DOLK: variants seen among roughly 807,000 people sequenced by gnomAD.
DOLK encodes the protein SEC59 homolog.
Under a neutral mutation model 31.7 loss-of-function variants are expected in DOLK, and 20 were observed. The ratio of observed to expected loss-of-function variants is 0.63; its 90% confidence interval spans 0.44 to 0.92. The LOEUF (loss-of-function observed/expected upper bound fraction) is 0.92. Ranked by LOEUF, DOLK falls within the 40% of genes least tolerant of loss-of-function variation. DOLK has a pLI of 0.00. For missense variants in DOLK, 594 were observed against 680.7 expected, an observed-to-expected ratio of 0.87 and a Z score of 1.42; for synonymous variants, 309 against 287.0, an observed-to-expected ratio of 1.08 and a Z score of -0.77.
rs201363976 is a variant in DOLK, at chr9:128,946,594, A to G, written c.710T>C (p.Met237Thr). The G allele has an allele frequency of 5.6e-6, 9 of 1,613,968 alleles. No individual in the cohort carries two copies. The highest frequency in any genetic ancestry group is 6.8e-6 in the Non-Finnish European group (8 of 1,180,026). ...LLVVVVGMVL[M>T]GIFFSTLFVF... ...AAACAGAGTGCTGAAGAAAATGCCC[A>G]TGAGTACCATCCCTACTACCACCAC... The change falls in exon 1 of 1, where the codon ATG (methionine) becomes ACG (threonine). Residue 237 changes from methionine to threonine, a missense_variant. Transcript: ENST00000372586.
chr9:128,946,951 C>T lies in DOLK; in HGVS notation c.353G>A (p.Gly118Asp), dbSNP rs1177624411. 1 of 1,602,462 alleles carries T rather than the reference C, an allele frequency of 6.2e-7. No homozygotes were observed. The highest frequency in any genetic ancestry group is 2.2e-5 in the East Asian group (1 of 44,812). ...TGATGAGAAGAGGGCCACTGCCATG[C>T]CAGTGGCTGCCACCACAATGCCAAA... ...ERFGIVVAAT[G>D]MAVALFSSVL... The change falls in exon 1 of 1, where the codon GGC becomes GAC. Residue 118 changes from glycine to aspartate, a missense_variant. Coordinates refer to ENST00000372586, the MANE Select transcript of DOLK (RefSeq NM_014908.4).
Position 128,945,714 on chromosome 9 carries a change from G to A in DOLK, c.1590C>T (p.Leu530=). Residue 530 remains leucine (L), a synonymous_variant, in exon 1 of 1, where the codon CTC becomes CTT. Coordinates refer to ENST00000372586, the MANE Select transcript of DOLK (RefSeq NM_014908.4). ...TTQIDNLLLP[L]YLLILLMA Reference sequence around the variant, plus strand: ...AGGCCATCAGCAATATCAGGAGGTAGAGAGGCAGAAGGAGATTGTCTATCT... The same window carrying A: ...AGGCCATCAGCAATATCAGGAGGTAAAGAGGCAGAAGGAGATTGTCTATCT... The A allele has an allele frequency of 6.2e-7, 1 of 1,614,152 alleles. No homozygotes were observed. The highest frequency in any genetic ancestry group is 8.5e-7 in the Non-Finnish European group (1 of 1,180,026).
At position 128,946,137 on chromosome 9, in the gene DOLK, C is replaced by G. The variant is rs1475563721; in HGVS notation, c.1167G>C (p.Arg389=). 4 of 1,614,038 alleles carry G rather than the reference C, an allele frequency of 2.5e-6. No homozygotes were observed. Among genetic ancestry groups the G allele is most frequent in the African/African-American group, 1.3e-5 (1 of 74,914 alleles). Residue 389 remains arginine (R), a synonymous_variant, in exon 1 of 1, where the codon CGG becomes CGC. Coordinates refer to ENST00000372586, the MANE Select transcript of DOLK (RefSeq NM_014908.4). ...CATCCAGAAAAAGGGACAGGAAGCT[C>G]CGTAGAGTGTGACCCAAAGGCTTGA... The part of the protein sequence containing the change: ...FRIKPLGHTL[R]SFLSLFLDER...
In DOLK at chr9:128,946,960, GCCA is replaced by G; in HGVS notation, c.341_343del (p.Val114del). 1.2e-6 allele frequency: 2 copies of G among 1,602,908 alleles called. No individual in the cohort carries two copies. The highest frequency in any genetic ancestry group is 1.7e-6 in the Non-Finnish European group (2 of 1,178,210). On this transcript the variant is annotated inframe_deletion, in exon 1 of 1. Coordinates refer to ENST00000372586, the MANE Select transcript of DOLK (RefSeq NM_014908.4). ...GAGGGCCACTGCCATGCCAGTGGCT[GCCA>G]CCACAATGCCAAAACGCTCAAAGAA...
In DOLK at chr9:128,945,680, G is replaced by T. The variant is rs907489668; in HGVS notation, c.*7C>A. On this transcript the variant is annotated 3_prime_UTR_variant, in exon 1 of 1. Transcript: ENST00000372586. Reference sequence around the variant, plus strand: ...TTTCCTCCGTCACTGCTGCTGCACTGTAACAGCTAGGCCATCAGCAATATC... The same window carrying T: ...TTTCCTCCGTCACTGCTGCTGCACTTTAACAGCTAGGCCATCAGCAATATC... 13 of 1,614,058 alleles carry T rather than the reference G, an allele frequency of 8.1e-6. No individual in the cohort carries two copies. The highest frequency in any genetic ancestry group is 1.1e-5 in the Non-Finnish European group (13 of 1,179,992).
rs2131127044 is a variant in DOLK at position 128,945,974 on chromosome 9, C to A, written c.1330G>T (p.Val444Phe). The A allele has an allele frequency of 1.2e-6, 2 of 1,614,158 alleles. No individual in the cohort carries two copies. The highest frequency in any genetic ancestry group is 1.7e-6 in the Non-Finnish European group (2 of 1,180,024). Residue 444 changes from valine to phenylalanine, a missense_variant, in exon 1 of 1, where the codon GTC becomes TTC. Transcript: ENST00000372586. ...GTATCACCCACACCCACAGCCAGGA[C>A]ACCGGCATAGGGGACGAGGGCCCTG... The part of the protein sequence containing the change: ...GARALVPYAG[V>F]LAVGVGDTVA...
rs1490504447 is a variant in DOLK at position 128,945,629 on chromosome 9, G to A, written c.*58C>T. Reference sequence around the variant, plus strand: ...CATGCCCAAGTAGCTGTCTGCTGTGGGGACTGTTCACCCTCCCCATGTCTG... The same window carrying A: ...CATGCCCAAGTAGCTGTCTGCTGTGAGGACTGTTCACCCTCCCCATGTCTG... On this transcript the variant is annotated 3_prime_UTR_variant, in exon 1 of 1. Coordinates refer to ENST00000372586, the MANE Select transcript of DOLK (RefSeq NM_014908.4). 8 of 1,603,494 alleles carry A rather than the reference G, an allele frequency of 5.0e-6. No individual in the cohort carries two copies. The highest frequency in any genetic ancestry group is 6.8e-6 in the Non-Finnish European group (8 of 1,171,510).
rs868232833 is a variant in DOLK, at chr9:128,946,175, G to A, written c.1129C>T (p.Arg377Cys). The A allele has an allele frequency of 1.1e-5, 17 of 1,614,176 alleles. No homozygotes were observed. The highest frequency in any genetic ancestry group is 2.2e-5 in the East Asian group (1 of 44,888). ...LAVFIFLEYV[R>C]YFRIKPLGHT... ...CCCAAAGGCTTGATGCGGAAGTAGC[G>A]CACATACTCCAGGAAGATGAAGACC... Residue 377 changes from arginine (R) to cysteine (C), a missense_variant, in exon 1 of 1, where the codon CGC becomes TGC. Transcript: ENST00000372586.
At position 128,946,042 on chromosome 9, in the gene DOLK, A is replaced by G. The variant is rs145125254; in HGVS notation, c.1262T>C (p.Leu421Pro). 151 of 1,614,048 alleles carry G rather than the reference A, an allele frequency of 9.4e-5. No homozygotes were observed. The highest frequency in any genetic ancestry group is 1.3e-4 in the Non-Finnish European group (148 of 1,180,048). ...LLLGMSLPIW[L>P]IPRPCTQKGS... ...CTTCTGTGTGCAGGGTCTGGGGATCAGCCAGATGGGAAGAGACATGCCCAG... is the reference window on the plus strand; with the variant it reads ...CTTCTGTGTGCAGGGTCTGGGGATCGGCCAGATGGGAAGAGACATGCCCAG... The change falls in exon 1 of 1, where the codon CTG becomes CCG. Residue 421 changes from leucine (L) to proline (P), a missense_variant. Transcript: ENST00000372586.
In DOLK at chr9:128,947,449, C is replaced by T. The variant is rs1393827251; in HGVS notation, c.-146G>A. The T allele has an allele frequency of 5.4e-6, 6 of 1,113,150 alleles. No individual in the cohort carries two copies. Among genetic ancestry groups the T allele is most frequent in the African/African-American group, 3.1e-5 (2 of 64,366 alleles). The allele number at this position is 1,113,150 out of a possible 1,614,324, so 69.0% of individuals were successfully genotyped here. A position where few individuals can be genotyped will look rare whatever the true frequency, so the allele number is the denominator to read the frequency against. ...TTCTCCAGCAGCGAGGAGGGAACTC[C>T]ACCGCAGGTCACTTCTGCGGCCTGG... On this transcript the variant is annotated 5_prime_UTR_variant, in exon 1 of 1. Coordinates refer to ENST00000372586, the MANE Select transcript of DOLK (RefSeq NM_014908.4).
In DOLK at chr9:128,946,939, G is replaced by A; in HGVS notation, c.365C>T (p.Ala122Val). The change falls in exon 1 of 1, where the codon GCC becomes GTC. Residue 122 changes from alanine (A) to valine (V), a missense_variant. Physicochemically the swap from Ala to Val is moderately conservative, Grantham distance 64 (BLOSUM62 0). Coordinates refer to ENST00000372586, the MANE Select transcript of DOLK (RefSeq NM_014908.4). ...IVVAATGMAV[A>V]LFSSVLALGI... ...GAGCGCCAACACTGATGAGAAGAGG[G>A]CCACTGCCATGCCAGTGGCTGCCAC... 1 of 1,602,774 alleles carries A rather than the reference G, an allele frequency of 6.2e-7. No individual in the cohort carries two copies. Among genetic ancestry groups the A allele is most frequent in the South Asian group, 1.1e-5 (1 of 91,072 alleles).
chr9:128,946,645 C>T lies in DOLK; in HGVS notation c.659G>A (p.Gly220Glu), dbSNP rs749036775. The T allele has an allele frequency of 6.2e-7, 1 of 1,614,074 alleles. No individual in the cohort carries two copies. Among genetic ancestry groups the T allele is most frequent in the African/African-American group, 1.3e-5 (1 of 75,014 alleles). The stretch of plus-strand genomic sequence containing the variant: ...CAGCAGGAAGAAGTCCACTGGGTCC[C>T]CCTGACTTTCCACCAGTGTCAGAGA... Reference protein sequence around the residue: ...KRSLTLVESQGDPVDFFLLVV... With the variant: ...KRSLTLVESQEDPVDFFLLVV... Residue 220 changes from glycine to glutamate, a missense_variant, in exon 1 of 1, where the codon GGG becomes GAG. Physicochemically the swap from Gly to Glu is moderately conservative, Grantham distance 98. Coordinates refer to ENST00000372586, the MANE Select transcript of DOLK (RefSeq NM_014908.4).
chr9:128,946,474 C>T lies in DOLK; in HGVS notation c.830G>A (p.Arg277Gln). 2 of 1,614,054 alleles carry T rather than the reference C, an allele frequency of 1.2e-6. No individual in the cohort carries two copies. Among genetic ancestry groups the T allele is most frequent in the Non-Finnish European group, 8.5e-7 (1 of 1,180,018 alleles). ...GAGCAGGGGATTCCTGCGGATGAGC[C>T]GGTGCAGCCAGGGTAGGACCACACC... Reference protein sequence around the residue: ...SLGVVLPWLHRLIRRNPLLWL... With the variant: ...SLGVVLPWLHQLIRRNPLLWL... Residue 277 changes from arginine to glutamine, a missense_variant, in exon 1 of 1, where the codon CGG becomes CAG. Physicochemically the swap from Arg to Gln is conservative, Grantham distance 43. Transcript: ENST00000372586.
rs768517674 is a variant in DOLK at position 128,946,424 on chromosome 9, T to C, written c.880A>G (p.Thr294Ala). ...GCTAGGAGGTAGATGCGGGTGTCTG[T>C]CTGGAAGAGAAACTGAAGAAGCCAG... ...LLWLLQFLFQ[T>A]DTRIYLLAYW... The change falls in exon 1 of 1, where the codon ACA (threonine) becomes GCA (alanine). Residue 294 changes from threonine (T) to alanine (A), a missense_variant. Physicochemically the swap from Thr to Ala is moderately conservative, Grantham distance 58. Transcript: ENST00000372586. The C allele has an allele frequency of 8.1e-6, 13 of 1,613,806 alleles. No individual in the cohort carries two copies. The South Asian group carries it at 1.4e-4, about 18-fold the overall frequency.
rs763132281 is a variant in DOLK at position 128,946,723 on chromosome 9, G to A, written c.581C>T (p.Ala194Val). Residue 194 changes from alanine to valine, a missense_variant, in exon 1 of 1, where the codon GCA becomes GTA. Transcript: ENST00000372586. The part of the protein sequence containing the change: ...LLPRCFTPGE[A>V]LLVLGGISFV... ...GCTAATGCCACCCAATACCAGCAGT[G>A]CCTCACCAGGGGTGAAGCAGCGGGG... The A allele has an allele frequency of 3.7e-6, 6 of 1,614,146 alleles. No individual in the cohort carries two copies. Among genetic ancestry groups the A allele is most frequent in the Non-Finnish European group, 5.1e-6 (6 of 1,180,034 alleles).
chr9:128,947,347 C>A lies in DOLK; in HGVS notation c.-44G>T. On this transcript the variant is annotated 5_prime_UTR_variant, in exon 1 of 1. Coordinates refer to ENST00000372586, the MANE Select transcript of DOLK (RefSeq NM_014908.4). ...TCACGGAGGCCGGGGCGACTACGGA[C>A]GCCCTAGACTTCGGGCCCCTCAGCC... 6.2e-7 allele frequency: 1 copy of A among 1,609,964 alleles called. No homozygotes were observed. Among genetic ancestry groups the A allele is most frequent in the Non-Finnish European group, 8.5e-7 (1 of 1,179,278 alleles).
rs1393427630 is a variant in DOLK at position 128,945,861 on chromosome 9, A to G, written c.1443T>C (p.Phe481=). The change falls in exon 1 of 1, where the codon TTT becomes TTC. Residue 481 remains phenylalanine (F), a synonymous_variant. Coordinates refer to ENST00000372586, the MANE Select transcript of DOLK (RefSeq NM_014908.4). The stretch of plus-strand genomic sequence containing the variant: ...TCAGAGCTACAGAAATGATCTGCGC[A>G]AATATAGATGTCATGGTCCCCTCAA... ...KTFEGTMTSI[F]AQIISVALIL... is the part of the protein sequence containing the mutation. The G allele has an allele frequency of 6.2e-7, 1 of 1,614,232 alleles. No homozygotes were observed. The highest frequency in any genetic ancestry group is 1.1e-5 in the South Asian group (1 of 91,090).
chr9:128,946,986 G>C lies in DOLK; in HGVS notation c.318C>G (p.Phe106Leu). The part of the protein sequence containing the change: ...KERCQTAGNP[F>L]FERFGIVVAA... ...CCACCACAATGCCAAAACGCTCAAA[G>C]AACGGGTTCCCAGCAGTCTGGCACC... Residue 106 changes from phenylalanine (F) to leucine (L), a missense_variant, in exon 1 of 1, where the codon TTC (phenylalanine) becomes TTG (leucine). Physicochemically the swap from Phe to Leu is conservative, Grantham distance 22. Transcript: ENST00000372586. 6.2e-7 allele frequency: 1 copy of C among 1,606,626 alleles called. No individual in the cohort carries two copies.
rs770837396 is a variant in DOLK, at chr9:128,945,753, T to G, written c.1551A>C (p.Glu517Asp). 18 of 1,614,040 alleles carry G rather than the reference T, an allele frequency of 1.1e-5. No homozygotes were observed. The highest frequency in any genetic ancestry group is 1.5e-5 in the Non-Finnish European group (18 of 1,180,042). Residue 517 changes from glutamate to aspartate, a missense_variant, in exon 1 of 1, where the codon GAA becomes GAC. Glu to Asp is a conservative substitution (Grantham distance 45). Coordinates refer to ENST00000372586, the MANE Select transcript of DOLK (RefSeq NM_014908.4). ...GATTGTCTATCTGTGTAGTGTATGC[T>G]TCCAGGAGGGACACAGTGCTGATGG... ...LGSISTVSLL[E>D]AYTTQIDNLL...
Sources: gnomAD v4.1 joint callset for allele counts on GRCh38, gnomAD v4.1.1 for gene constraint, MANE v1.5 for transcripts, NCBI Gene and HGNC (gene_info 2026-07-23, HGNC 2026-07-21) for gene names.